Variants in INPP1 observed in about 807,000 individuals in gnomAD.
INPP1 encodes inositol polyphosphate 1-phosphatase.
A neutral mutation model predicts 23.0 loss-of-function variants in INPP1; 18 were observed. That is an observed-to-expected ratio of 0.78 (90% CI 0.54 to 1.16). The LOEUF is 1.16. INPP1 is among the 50% of genes most tolerant of loss of function. The probability of loss-of-function intolerance (pLI) is 0.00; values close to 1 mark genes in which losing one functional copy is unlikely to be tolerated. For missense variants in INPP1, 448 were observed against 482.1 expected (o/e 0.93, Z 0.66); for synonymous variants, 164 against 176.3 (o/e 0.93, Z 0.55).
At position 190,369,269 on chromosome 2, in the gene INPP1, C is replaced by A; in HGVS notation, c.633C>A (p.Asn211Lys). The A allele has an allele frequency of 1.3e-6, 2 of 1,577,436 alleles. No individual in the cohort carries two copies. The highest frequency in any genetic ancestry group is 1.2e-5 in the South Asian group (1 of 86,694). Residue 211 changes from asparagine to lysine, a missense_variant, in exon 6 of 7, where the codon AAC becomes AAA. Coordinates refer to ENST00000392329, the MANE Select transcript of INPP1 (RefSeq NM_001128928.2). ...INQPFVSRDP[N>K]TLRWKGQCYW... Reference sequence around the variant, plus strand: ...AACCTTTTGTGTCACGAGATCCAAACACCCTCAGGTAAAAGGCAAATATTT... The same window carrying A: ...AACCTTTTGTGTCACGAGATCCAAAAACCCTCAGGTAAAAGGCAAATATTT...
At chr2:190,369,053 C>T in intron 5 of INPP1, 50 bp from the exon 6 acceptor site, 1 of 1,192,208 alleles carries the variant, frequency 8.4e-7, no homozygotes, top group East Asian at 2.5e-5. Context: ...GGAACAGAGT[C>T]TTCTAAATGA....
chr2:190,346,518 G>A lies in INPP1; in HGVS notation c.-208-2370G>A, dbSNP rs183203278. Among the ~76,000 whole-genome samples the A allele has an allele frequency of 2.2e-4, 33 of 152,308 alleles. No homozygotes were observed. The highest frequency in any genetic ancestry group is 7.9e-4 in the African/African-American group (33 of 41,556). On this transcript the variant is annotated intron_variant, in intron 1 of 6. Transcript: ENST00000392329. This position sits in a 1 kb window ranked among gnomAD's most constrained non-coding sequence, Gnocchi z 5.1. ...GTAATGTTAATTCAATTTCTTGAAT[G>A]TGATAAGAGCATTTTATTAATGGAT...
chr2:190,349,336 T>C (rs1575783120), intron 2 of INPP1, among the ~76,000 whole-genome samples: 2 of 151,956 alleles, frequency 1.3e-5, no homozygotes, highest in African/African-American at 4.8e-5. Flanking sequence ...ACTTGGGAGG[T>C]TGAAGCAGGA....
chr2:190,350,211 G>A (rs777306239), intron 2 of INPP1, among the ~76,000 whole-genome samples: 6 of 152,176 alleles, frequency 3.9e-5, no homozygotes, highest in South Asian at 2.1e-4. Context: ...AGAAGTATCC[G>A]AAATTCATCC....
chr2:190,364,344 C>T (rs1212154488), intron 4 of INPP1, among the ~76,000 whole-genome samples: 3 of 151,860 alleles, frequency 2.0e-5, no homozygotes, highest in African/African-American at 4.8e-5. Context: ...TTGAGTCCAT[C>T]CTGGCTAACA....
rs909272 is a variant in INPP1, at chr2:190,368,650, T to C, written c.467-453T>C. 97,591 of 152,048 alleles carry C rather than the reference T, an allele frequency of 0.64. 32,050 individuals carry two copies. The highest frequency in any genetic ancestry group is 0.76 in the East Asian group (3,956 of 5,180). The allele number at this position is 152,048 out of a possible 1,614,324, so 9.4% of individuals were successfully genotyped here. On this transcript the variant is annotated intron_variant, in intron 5 of 6. Transcript: ENST00000392329. The surrounding 1 kb of genome is among the most constrained non-coding windows in gnomAD (Gnocchi z 4.3). ...TCTAGTTACACTCTTTATTTTAAAA[T>C]GTACAGTTAAGTTCTTATTGATTAT...
In INPP1 at chr2:190,369,086, T is replaced by G; in HGVS notation, c.467-17T>G. On this transcript the variant is annotated splice_polypyrimidine_tract_variant and intron_variant, in intron 5 of 6. Coordinates refer to ENST00000392329, the MANE Select transcript of INPP1 (RefSeq NM_001128928.2). ...TGATCTTTACCTGAATCCAAACACA[T>G]TTGTTTCCTTTTTCAGATTCAACTT... 1 of 1,509,530 alleles carries G rather than the reference T, an allele frequency of 6.6e-7. No individual in the cohort carries two copies. The highest frequency in any genetic ancestry group is 9.0e-7 in the Non-Finnish European group (1 of 1,105,734). 93.5% of individuals were successfully genotyped at this position (1,509,530 alleles called of 1,614,324 possible). A position where few individuals can be genotyped will look rare whatever the true frequency, so the allele number is the denominator to read the frequency against.
Position 190,371,080 on chromosome 2 carries a change from A to C in INPP1, c.878A>C (p.Lys293Thr). 1 of 1,614,220 alleles carries C rather than the reference A, an allele frequency of 6.2e-7. No individual in the cohort carries two copies. The highest frequency in any genetic ancestry group is 8.5e-7 in the Non-Finnish European group (1 of 1,180,038). ...RIFGAAGAGY[K>T]SLCVVQGLVD... is the part of the protein sequence containing the mutation. The stretch of plus-strand genomic sequence containing the variant: ...TTTGGGGCAGCTGGGGCTGGTTATA[A>C]GAGCCTATGTGTTGTCCAAGGCCTC... The change falls in exon 7 of 7, where the codon AAG becomes ACG. Residue 293 changes from lysine to threonine, a missense_variant. Physicochemically the swap from Lys to Thr is moderately conservative, Grantham distance 78 (BLOSUM62 -1). Transcript: ENST00000392329. This position sits in a 1 kb window ranked among gnomAD's most constrained non-coding sequence, Gnocchi z 5.3.
intron 1 of INPP1, among the ~76,000 whole-genome samples, chr2:190,344,850 A>G (rs1158124538): frequency 1.3e-5 from 2 of 152,240 alleles, no homozygotes; most frequent in East Asian, 3.8e-4. Context: ...TGGACAGACC[A>G]CTTAAGTGGA....
intron 2 of INPP1, 100 bp from the exon 3 acceptor site, chr2:190,359,939 C>G: frequency 1.6e-6 from 1 of 621,088 alleles, no homozygotes; most frequent in Admixed American, 2.8e-5. Context: ...GTTCACCAGG[C>G]TGACCAGGTT....
At position 190,367,128 on chromosome 2, in the gene INPP1, T is replaced by C. The variant is rs6716998; in HGVS notation, c.466+233T>C. On this transcript the variant is annotated intron_variant, in intron 5 of 6. Coordinates refer to ENST00000392329, the MANE Select transcript of INPP1 (RefSeq NM_001128928.2). This position sits in a 1 kb window ranked among gnomAD's most constrained non-coding sequence, Gnocchi z 4.1. Reference sequence around the variant, plus strand: ...TATATACATATCTATAACAGGTGTGTGTATATACACACACATACATACAGG... The same window carrying C: ...TATATACATATCTATAACAGGTGTGCGTATATACACACACATACATACAGG... 0.19 allele frequency among the ~76,000 whole-genome samples: 28,591 copies of C among 152,098 alleles called. 3,414 individuals are homozygous for C. Among genetic ancestry groups the C allele is most frequent in the African/African-American group, 0.33 (13,579 of 41,442 alleles).
intron 4 of INPP1, among the ~76,000 whole-genome samples, chr2:190,366,079 CTG>C (rs1491071870): frequency 1.4e-5 from 2 of 147,516 alleles, no homozygotes; most frequent in African/African-American, 5.0e-5. Flanking sequence ...CTCTTTCACT[CTG>C]TCTCTCTCAG....
At chr2:190,369,040 T>C in intron 5 of INPP1, 63 bp from the exon 6 acceptor site, 1 of 968,206 alleles carries the variant, frequency 1.0e-6, no homozygotes, top group East Asian at 2.6e-5. Context: ...AGAGAAGTCA[T>C]ATGGAACAGA....
Position 190,352,036 on chromosome 2 carries a change from A to T in INPP1, c.-65+3005A>T, listed in dbSNP as rs181966369. On this transcript the variant is annotated intron_variant, in intron 2 of 6. Coordinates refer to ENST00000392329, the MANE Select transcript of INPP1 (RefSeq NM_001128928.2). The surrounding 1 kb of genome is among the most constrained non-coding windows in gnomAD (Gnocchi z 4.7). ...GCACCCTGTTGAGATTTTAAGTTGC[A>T]TCTTCCTGATGACTAATATGGTAGA... 6.6e-6 allele frequency among the ~76,000 whole-genome samples: 1 copy of T among 152,292 alleles called. No individual in the cohort carries two copies. Among genetic ancestry groups the T allele is most frequent in the Admixed American group, 6.5e-5 (1 of 15,300 alleles).
At position 190,371,295 on chromosome 2, in the gene INPP1, C is replaced by T. The variant is rs765018115; in HGVS notation, c.1093C>T (p.Arg365Trp). The change falls in exon 7 of 7, where the codon CGG becomes TGG. Residue 365 changes from arginine (R) to tryptophan (W), a missense_variant. By Grantham distance (101) the Arg-to-Trp change is moderately radical. Coordinates refer to ENST00000392329, the MANE Select transcript of INPP1 (RefSeq NM_001128928.2). The surrounding 1 kb of genome is among the most constrained non-coding windows in gnomAD (Gnocchi z 5.3). Reference protein sequence around the residue: ...VENEGAAGVDRWANKGGLIAY... With the variant: ...VENEGAAGVDWWANKGGLIAY... Reference sequence around the variant, plus strand: ...AAATGAGGGTGCTGCTGGGGTGGATCGGTGGGCCAACAAGGGAGGACTCAT... The same window carrying T: ...AAATGAGGGTGCTGCTGGGGTGGATTGGTGGGCCAACAAGGGAGGACTCAT... The T allele has an allele frequency of 4.4e-6, 7 of 1,608,814 alleles. No homozygotes were observed. The highest frequency in any genetic ancestry group is 4.2e-6 in the Non-Finnish European group (5 of 1,176,856).
chr2:190,348,053 G>A (rs530020894), intron 1 of INPP1, among the ~76,000 whole-genome samples: 3 of 152,304 alleles, frequency 2.0e-5, no homozygotes, highest in East Asian at 1.9e-4. Context: ...CAGGAGAATC[G>A]CTTGAACCTG....
rs1689802739 is a variant in INPP1 at position 190,371,374 on chromosome 2, AC to A, written c.1174del (p.Leu392TrpfsTer32). The A allele has an allele frequency of 8.5e-6, 13 of 1,531,270 alleles. No homozygotes were observed. Among genetic ancestry groups the A allele is most frequent in the Non-Finnish European group, 1.1e-5 (13 of 1,140,342 alleles). 94.9% of individuals were successfully genotyped at this position (1,531,270 alleles called of 1,614,324 possible). On this transcript the variant is annotated frameshift_variant, in exon 7 of 7. Coordinates refer to ENST00000392329, the MANE Select transcript of INPP1 (RefSeq NM_001128928.2). LOFTEE classifies it low-confidence loss of function (END_TRUNC). This position sits in a 1 kb window ranked among gnomAD's most constrained non-coding sequence, Gnocchi z 5.3. ...ACATTCCTGAGCCTCCTGGTCCAAA[AC>A]CTGGCACCTGCAGAGACGCATACCT... The part of the protein sequence containing the change: ...LETFLSLLVQ[N>X]LAPAETHT
rs1335364172 is a variant in INPP1 at position 190,356,603 on chromosome 2, G to A, written c.-64-3436G>A. 1 of 152,156 alleles carries A rather than the reference G, an allele frequency of 6.6e-6. No homozygotes were observed. The highest frequency in any genetic ancestry group is 2.4e-5 in the African/African-American group (1 of 41,410). 9.4% of individuals were successfully genotyped at this position (152,156 alleles called of 1,614,324 possible). ...AAGAAGGGAGTGGTGGTGATTTCCG[G>A]AGCTTGTAGCCAGGGTGATTAGCTC... On this transcript the variant is annotated intron_variant, in intron 2 of 6. Coordinates refer to ENST00000392329, the MANE Select transcript of INPP1 (RefSeq NM_001128928.2). The surrounding 1 kb of genome is among the most constrained non-coding windows in gnomAD (Gnocchi z 6.4).
At position 190,346,379 on chromosome 2, in the gene INPP1, G is replaced by T. The variant is rs759213493; in HGVS notation, c.-209+2418G>T. On this transcript the variant is annotated intron_variant, in intron 1 of 6. Coordinates refer to ENST00000392329, the MANE Select transcript of INPP1 (RefSeq NM_001128928.2). This position sits in a 1 kb window ranked among gnomAD's most constrained non-coding sequence, Gnocchi z 5.1. ...ATATGGAAACTGATTTTATTAATATGATGAGGCCACTCATTTAGGAAATCT... is the reference window on the plus strand; with the variant it reads ...ATATGGAAACTGATTTTATTAATATTATGAGGCCACTCATTTAGGAAATCT... Among the ~76,000 whole-genome samples the T allele has an allele frequency of 1.3e-5, 2 of 152,190 alleles. No individual in the cohort carries two copies. Among genetic ancestry groups the T allele is most frequent in the African/African-American group, 2.4e-5 (1 of 41,440 alleles).
Sources: gnomAD v4.1 joint callset for allele counts (sites outside exome capture counted in the v4.1 genomes callset) on GRCh38, gnomAD v4.1.1 for gene constraint, Gnocchi (gnomAD v3.1) non-coding constraint, MANE v1.5 for transcripts, NCBI Gene and HGNC (gene_info 2026-07-23, HGNC 2026-07-21) for gene names.